The following CDH18 variants were observed in gnomAD, a reference collection of about 807,000 sequenced individuals.
CDH18 encodes the protein cadherin 18.
Under a neutral mutation model 67.9 loss-of-function variants are expected in CDH18, and 31 were observed. The ratio of observed to expected loss-of-function variants is 0.46; its 90% CI spans 0.34 to 0.62. CDH18 has a LOEUF of 0.62. Ranked by LOEUF, CDH18 falls within the 20% of genes least tolerant of loss-of-function variation. The probability of loss-of-function intolerance (pLI) is 0.01; values close to 1 mark genes in which losing one functional copy is unlikely to be tolerated. For synonymous variants in CDH18, 362 were observed against 347.2 expected, an observed-to-expected ratio of 1.04 and a Z score of -0.48; for missense variants, 890 against 975.5, an observed-to-expected ratio of 0.91 and a Z score of 1.17.
At chr5:20,366,008 A>G (rs1185181122) in intron 1 of CDH18, among the ~76,000 whole-genome samples, 16 of 152,126 alleles carry the variant, frequency 1.1e-4, no homozygotes, top group Non-Finnish European at 1.5e-5. Flanking sequence ...TCACTTTTTT[A>G]TAATTTATTA....
At chr5:20,443,655 A>G (rs6898083) in intron 1 of CDH18, among the ~76,000 whole-genome samples, 1,623 of 151,966 alleles carry the variant, frequency 0.011, 49 homozygotes, top group African/African-American at 0.036. Context: ...ATAAATGTAT[A>G]ATTATGCCCC....
At chr5:20,029,763 C>A (rs766073500) in intron 2 of CDH18, among the ~76,000 whole-genome samples, 1 of 152,148 alleles carries the variant, frequency 6.6e-6, no homozygotes, top group Non-Finnish European at 1.5e-5. Context: ...GTATTAGTTT[C>A]TTTTCCTGTG....
At chr5:20,373,130 T>G (rs1309608462) in intron 1 of CDH18, among the ~76,000 whole-genome samples, 1 of 152,330 alleles carries the variant, frequency 6.6e-6, no homozygotes, top group Non-Finnish European at 1.5e-5. Context: ...TAGTCAAAGT[T>G]ATATTTTACA....
chr5:20,268,277 T>G (rs930628174), intron 1 of CDH18, among the ~76,000 whole-genome samples: 4 of 152,216 alleles, frequency 2.6e-5, no homozygotes, highest in Non-Finnish European at 4.4e-5. Flanking sequence ...TGTGTCTTTT[T>G]GGGTATTCCT....
chr5:20,291,772 A>C (rs1747122695), intron 1 of CDH18, among the ~76,000 whole-genome samples: 1 of 152,198 alleles, frequency 6.6e-6, no homozygotes, highest in Non-Finnish European at 1.5e-5. Flanking sequence ...TAAAGGTTTA[A>C]ATATCAATGT....
rs528882322 is a variant in CDH18, at chr5:20,130,348, T to C, written c.-518+125096A>G. Among the ~76,000 whole-genome samples the C allele has an allele frequency of 4.6e-5, 7 of 150,718 alleles. No individual in the cohort carries two copies. In the South Asian group the frequency reaches 1.3e-3, roughly 27 times the overall value. ...GACAGGCTGCAGATTTAAGGAAGAG[T>C]TGATGTTGTTTCTCCAATCCAAAGG... On this transcript the variant is annotated intron_variant, in intron 2 of 14. Transcript: ENST00000507958.
chr5:20,180,497 A>C (rs540459754), intron 2 of CDH18, among the ~76,000 whole-genome samples: 2 of 152,316 alleles, frequency 1.3e-5, no homozygotes, highest in African/African-American at 4.8e-5. Context: ...GTTAGAAATT[A>C]CTGATGCACA....
chr5:20,134,180 G>C (rs556268881), intron 2 of CDH18, among the ~76,000 whole-genome samples: 4 of 152,060 alleles, frequency 2.6e-5, no homozygotes, highest in Admixed American at 6.6e-5. Context: ...CATGTTGGCC[G>C]CACTGGTCTC....
At chr5:19,811,754 C>A (rs2133077) in intron 3 of CDH18, among the ~76,000 whole-genome samples, 83,499 of 151,970 alleles carry the variant, frequency 0.55, 23,276 homozygotes, top group Middle Eastern at 0.68. Flanking sequence ...TTATCAGCAA[C>A]AATAGAATCC....
chr5:19,550,406 C>A (rs1435028412), intron 8 of CDH18, among the ~76,000 whole-genome samples: 1 of 151,926 alleles, frequency 6.6e-6, no homozygotes, highest in East Asian at 1.9e-4. Flanking sequence ...AATGCTATCC[C>A]TCCCCACTCC....
Position 19,865,976 on chromosome 5 carries a change from C to T in CDH18, c.-256-26734G>A, listed in dbSNP as rs147343728. Reference sequence around the variant, plus strand: ...TTCAAATTCCCACCAGTATCTAACACGATGCCTCCACTTATATTCTCCTCC... The same window carrying T: ...TTCAAATTCCCACCAGTATCTAACATGATGCCTCCACTTATATTCTCCTCC... On this transcript the variant is annotated intron_variant, in intron 2 of 12. Transcript: ENST00000382275. 2.4e-3 allele frequency among the ~76,000 whole-genome samples: 371 copies of T among 152,274 alleles called. 1 individual carries two copies. The highest frequency in any genetic ancestry group is 3.6e-3 in the Non-Finnish European group (248 of 68,022).
At chr5:20,215,076 CAT>C (rs1237886126) in intron 2 of CDH18, among the ~76,000 whole-genome samples, 1 of 151,880 alleles carries the variant, frequency 6.6e-6, no homozygotes, top group Non-Finnish European at 1.5e-5. Context: ...GGCCAACAAA[CAT>C]ATAAAAAAAG....
rs776373159 is a variant in CDH18, at chr5:19,473,227, T to C, written c.2372A>G (p.Ter791TrpextTer13). ...CACAAGGTTGCAAGAACTGACCCCC[T>C]AAGTTGTTCTTTCAGATTCTATTTC... Reference protein sequence around the residue: ...YGEIESERTT* With the variant: ...YGEIESERTTW Residue 791 changes from the stop codon to tryptophan, a stop_lost, in exon 13 of 13, where the codon TAG becomes TGG. Coordinates refer to ENST00000382275, the MANE Select transcript of CDH18 (RefSeq NM_004934.5). 3.4e-5 allele frequency: 55 copies of C among 1,612,560 alleles called. No individual in the cohort carries two copies. The highest frequency in any genetic ancestry group is 4.5e-5 in the Non-Finnish European group (53 of 1,179,060).
At chr5:20,300,299 TGTGC>T (rs140639347) in intron 1 of CDH18, among the ~76,000 whole-genome samples, 8 of 69,872 alleles carry the variant, frequency 1.1e-4, no homozygotes, top group South Asian at 1.7e-3. Context: ...AAGTTGTGTG[TGTGC>T]GTGTGTGTGT....
chr5:20,186,548 TGGA>T (rs1738114817), intron 2 of CDH18, among the ~76,000 whole-genome samples: 1 of 151,878 alleles, frequency 6.6e-6, no homozygotes, highest in African/African-American at 2.4e-5. Flanking sequence ...AATAAACACA[TGGA>T]AAGTTCTTCA....
At chr5:20,303,987 GA>G in intron 1 of CDH18, 1 of 953,492 alleles carries the variant, frequency 1.0e-6, no homozygotes. Flanking sequence ...AAACTAAGTC[GA>G]AGGGATGGTG....
intron 2 of CDH18, among the ~76,000 whole-genome samples, chr5:19,882,707 A>G (rs1332218113): frequency 6.6e-6 from 1 of 152,170 alleles, no homozygotes; most frequent in Non-Finnish European, 1.5e-5. Flanking sequence ...AAACCTTAGA[A>G]AGAAGTCTCA....
rs539063629 is a variant in CDH18, at chr5:19,800,579, T to C, written c.228+38180A>G. Among the ~76,000 whole-genome samples, 3 of 152,258 alleles carry C rather than the reference T, an allele frequency of 2.0e-5. No homozygotes were observed. The South Asian group carries it at 6.2e-4, about 32-fold the overall frequency. On this transcript the variant is annotated intron_variant, in intron 3 of 12. Transcript: ENST00000382275. ...CAAGAATAAATGTATCAGTATTTTA[T>C]ATATATTGAAAAGGCAATCAAAGGA...
chr5:20,536,765 C>T (rs1475417800), intron 1 of CDH18, among the ~76,000 whole-genome samples: 4 of 152,072 alleles, frequency 2.6e-5, no homozygotes, highest in Admixed American at 6.6e-5. Flanking sequence ...TCAGAAAACC[C>T]AAGGAGGAGG....
Sources: allele counts gnomAD v4.1 joint callset (sites outside exome capture counted in the v4.1 genomes callset), GRCh38; gene constraint gnomAD v4.1.1; transcripts MANE v1.5; gene names NCBI Gene and HGNC (gene_info 2026-07-23, HGNC 2026-07-21).